The following PIEZO2 variants were observed in gnomAD, a reference collection of about 807,000 sequenced individuals.
PIEZO2 encodes the protein piezo type mechanosensitive ion channel component 2.
A neutral mutation model predicts 337.3 loss-of-function variants in PIEZO2; 172 were observed. The ratio of observed to expected loss-of-function variants is 0.51; its 90% CI spans 0.45 to 0.58. The LOEUF (loss-of-function observed/expected upper bound fraction) is 0.58, where lower values mean the gene tolerates loss of function less well. PIEZO2 is among the 20% of genes least tolerant of loss of function. The probability of loss-of-function intolerance (pLI) is 0.00; values close to 1 mark genes in which losing one functional copy is unlikely to be tolerated. For synonymous variants in PIEZO2, 1,251 were observed against 1,228.5 expected (o/e 1.02, Z -0.38); for missense variants, 3,028 against 3,391.3 (o/e 0.89, Z 2.66).
chr18:10,731,731 T>A lies in PIEZO2; in HGVS notation c.4915-210A>T, dbSNP rs530415820. Among the ~76,000 whole-genome samples the A allele has an allele frequency of 2.6e-5, 4 of 152,206 alleles. No individual in the cohort carries two copies. In the South Asian group the frequency reaches 8.3e-4, roughly 32 times the overall value. ...TATATTTCATCTGGTATCACAGATATCATGAGATAAACTTTGGGTACACCA... is the reference window on the plus strand; with the variant it reads ...TATATTTCATCTGGTATCACAGATAACATGAGATAAACTTTGGGTACACCA... On this transcript the variant is annotated intron_variant, in intron 35 of 55. Transcript: ENST00000674853.
chr18:10,715,485 T>C (rs149817593), intron 38 of PIEZO2, among the ~76,000 whole-genome samples, 165 bp downstream of exon 38: 40 of 152,346 alleles, frequency 2.6e-4, no homozygotes, highest in African/African-American at 9.4e-4. Context: ...ATTATTTTAA[T>C]TCTTAGTGTG....
At chr18:10,900,864 A>G (rs1461258332) in intron 4 of PIEZO2, among the ~76,000 whole-genome samples, 1 of 152,176 alleles carries the variant, frequency 6.6e-6, no homozygotes, top group Non-Finnish European at 1.5e-5. Context: ...AATCCTTTCA[A>G]TTCAGTGCCC....
intron 4 of PIEZO2, among the ~76,000 whole-genome samples, chr18:10,901,430 GCACA>G (rs34887184): frequency 0.063 from 9,322 of 147,730 alleles, 655 homozygotes; most frequent in African/African-American, 0.17. Flanking sequence ...ACACACACAC[GCACA>G]CACACACACA....
chr18:10,989,327 A>T (rs1184369877), intron 2 of PIEZO2, among the ~76,000 whole-genome samples: 1 of 152,144 alleles, frequency 6.6e-6, no homozygotes, highest in Admixed American at 6.5e-5. Context: ...ATATAGAAAA[A>T]AATAATACTG....
At chr18:10,960,742 T>C (rs2145374287) in intron 3 of PIEZO2, among the ~76,000 whole-genome samples, 1 of 152,336 alleles carries the variant, frequency 6.6e-6, no homozygotes, top group East Asian at 1.9e-4. Flanking sequence ...TGGCTAAACC[T>C]CCTGCTGCAA....
At chr18:10,731,186 T>TAC (rs1567995674) in intron 36 of PIEZO2, among the ~76,000 whole-genome samples, 37 of 56,242 alleles carry the variant, frequency 6.6e-4, no homozygotes, top group African/African-American at 3.4e-3. Context: ...ATTATATATA[T>TAC]ATATATATAT....
rs1043979144 is a variant in PIEZO2, at chr18:11,148,423, C to A, written c.64+102G>T. On this transcript the variant is annotated intron_variant, in intron 1 of 55. Coordinates refer to ENST00000674853, the MANE Select transcript of PIEZO2 (RefSeq NM_001378183.1). This position sits in a 1 kb window ranked among gnomAD's most constrained non-coding sequence, Gnocchi z 5.2. ...GTCTGACGCCGCTGGCCTCCCGAATCGAACCCCAGAGCACCAGAGCCCTTC... is the reference window on the plus strand; with the variant it reads ...GTCTGACGCCGCTGGCCTCCCGAATAGAACCCCAGAGCACCAGAGCCCTTC... The A allele has an allele frequency of 1.8e-5, 24 of 1,344,284 alleles. 1 individual carries two copies. Among genetic ancestry groups the A allele is most frequent in the Middle Eastern group, 3.6e-4 (2 of 5,566 alleles). 83.3% of individuals were successfully genotyped at this position (1,344,284 alleles called of 1,614,324 possible).
chr18:10,764,223 T>C (rs567192351), intron 21 of PIEZO2, among the ~76,000 whole-genome samples: 1 of 152,240 alleles, frequency 6.6e-6, no homozygotes, highest in Non-Finnish European at 1.5e-5. Flanking sequence ...ATCCTAGAAA[T>C]GTTTAATATT....
intron 2 of PIEZO2, among the ~76,000 whole-genome samples, chr18:11,046,013 C>T (rs1489751642): frequency 1.3e-5 from 2 of 152,070 alleles, no homozygotes; most frequent in Admixed American, 6.5e-5. Context: ...TAGGGTGTTC[C>T]ACAGAAGGTC....
rs2039305901 is a variant in PIEZO2, at chr18:11,097,978, T to C, written c.65-31756A>G. 6.6e-6 allele frequency among the ~76,000 whole-genome samples: 1 copy of C among 152,164 alleles called. No homozygotes were observed. The highest frequency in any genetic ancestry group is 1.5e-5 in the Non-Finnish European group (1 of 68,030). ...AATATACTCATCTTTAAAAATGAAT[T>C]AATAATAAAAACTAATGCTCATATA... On this transcript the variant is annotated intron_variant, in intron 1 of 55. Transcript: ENST00000674853. The surrounding 1 kb of genome is among the most constrained non-coding windows in gnomAD (Gnocchi z 5.0).
chr18:10,744,348 T>C, intron 30 of PIEZO2, 117 bp from the exon 31 acceptor site: 1 of 670,596 alleles, frequency 1.5e-6, no homozygotes, highest in Middle Eastern at 3.4e-4. Context: ...CAGCTGCTTG[T>C]AGTTTCCTGG....
At chr18:10,720,419 GTATATATA>G (rs74177567) in intron 36 of PIEZO2, among the ~76,000 whole-genome samples, 164 of 9,260 alleles carry the variant, frequency 0.018, 14 homozygotes, top group African/African-American at 0.052. Flanking sequence ...GTATGTGTAT[GTATATATA>G]TATATATATA....
At chr18:11,006,816 T>A (rs923872822) in intron 2 of PIEZO2, among the ~76,000 whole-genome samples, 2 of 152,174 alleles carry the variant, frequency 1.3e-5, no homozygotes, top group Non-Finnish European at 1.5e-5. Flanking sequence ...AGTAAAAAAA[T>A]TATTCCCTAG....
intron 30 of PIEZO2, among the ~76,000 whole-genome samples, chr18:10,747,227 C>T (rs553979952): frequency 2.0e-5 from 3 of 152,172 alleles, no homozygotes; most frequent in East Asian, 3.9e-4. Flanking sequence ...GGAACATTCT[C>T]GTTTGAGAGA....
chr18:10,672,906 A>C lies in PIEZO2; in HGVS notation c.8162-33T>G. 6.5e-7 allele frequency: 1 copy of C among 1,548,970 alleles called. No homozygotes were observed. Among genetic ancestry groups the C allele is most frequent in the Non-Finnish European group, 8.8e-7 (1 of 1,136,188 alleles). ...GGTAGAAATGCAAAATTAAGTTGACATGAGAATTTTAGGATTTCATGCACA... is the reference window on the plus strand; with the variant it reads ...GGTAGAAATGCAAAATTAAGTTGACCTGAGAATTTTAGGATTTCATGCACA... On this transcript the variant is annotated intron_variant, in intron 54 of 55. Transcript: ENST00000674853. This position sits in a 1 kb window ranked among gnomAD's most constrained non-coding sequence, Gnocchi z 4.7.
In PIEZO2 at chr18:11,096,085, G is replaced by A. The variant is rs1157525466; in HGVS notation, c.65-29863C>T. Among the ~76,000 whole-genome samples the A allele has an allele frequency of 4.6e-5, 7 of 152,224 alleles. No individual in the cohort carries two copies. The highest frequency in any genetic ancestry group is 1.9e-4 in the East Asian group (1 of 5,198). The stretch of plus-strand genomic sequence containing the variant: ...TGCATGGAAAGGGCTTGGAACCAGC[G>A]GAGCTGTCCAAGTGAGGCTTCCATT... On this transcript the variant is annotated intron_variant, in intron 1 of 55. Coordinates refer to ENST00000674853, the MANE Select transcript of PIEZO2 (RefSeq NM_001378183.1). The surrounding 1 kb of genome is among the most constrained non-coding windows in gnomAD (Gnocchi z 4.6).
At chr18:10,711,868 T>G (rs1292268237) in intron 39 of PIEZO2, among the ~76,000 whole-genome samples, 2 of 152,194 alleles carry the variant, frequency 1.3e-5, no homozygotes, top group Admixed American at 6.5e-5. Context: ...ATTTTAGAAT[T>G]TAAAAGTAAT....
chr18:11,110,719 G>A lies in PIEZO2; in HGVS notation c.64+37806C>T, dbSNP rs1281947719. ...CTCCCCGCCCCGGCCCGCCCGCCCC[G>A]GGTCTTGTGCTTCCTGCCTTGCCTC... On this transcript the variant is annotated intron_variant, in intron 1 of 55. Coordinates refer to ENST00000674853, the MANE Select transcript of PIEZO2 (RefSeq NM_001378183.1). The surrounding 1 kb of genome is among the most constrained non-coding windows in gnomAD (Gnocchi z 4.2). 2.3e-5 allele frequency among the ~76,000 whole-genome samples: 2 copies of A among 85,366 alleles called. No homozygotes were observed. Among genetic ancestry groups the A allele is most frequent in the East Asian group, 3.4e-4 (1 of 2,936 alleles). 56.0% of individuals were successfully genotyped at this position (85,366 alleles called of 152,430 possible).
intron 36 of PIEZO2, 135 bp from the exon 37 acceptor site, chr18:10,718,394 G>T (rs756416642): frequency 8.9e-5 from 65 of 730,658 alleles, no homozygotes; most frequent in Middle Eastern, 2.4e-4. Context: ...TTGGGGAAAG[G>T]TTGTTAGAAT....
Sources: gnomAD v4.1 joint callset for allele counts (sites outside exome capture counted in the v4.1 genomes callset) on GRCh38, gnomAD v4.1.1 for gene constraint, Gnocchi (gnomAD v3.1) non-coding constraint, MANE v1.5 for transcripts, NCBI Gene and HGNC (gene_info 2026-07-23, HGNC 2026-07-21) for gene names.